SPATA22: variants seen among roughly 807,000 people sequenced by gnomAD.
SPATA22 encodes the protein spermatogenesis associated 22.
Under a neutral mutation model 47.8 loss-of-function variants are expected in SPATA22, and 29 were observed. The ratio of observed to expected loss-of-function variants is 0.61; its 90% CI spans 0.45 to 0.83. SPATA22 has a LOEUF of 0.83. Ranked by LOEUF, SPATA22 falls within the 40% of genes least tolerant of loss-of-function variation. The probability of loss-of-function intolerance (pLI) is 0.00; values close to 1 mark genes in which losing one functional copy is unlikely to be tolerated. For missense variants in SPATA22, 410 were observed against 421.7 expected (o/e 0.97, Z 0.24); for synonymous variants, 133 against 140.9 (o/e 0.94, Z 0.40).
chr17:3,482,204 G>C (rs2073642908), intron 1 of SPATA22, among the ~76,000 whole-genome samples: 3 of 152,026 alleles, frequency 2.0e-5, no homozygotes, highest in Admixed American at 1.3e-4. Flanking sequence ...AAATGGTATG[G>C]GATCTCAATT....
At chr17:3,442,163 A>T (rs995066983) in intron 8 of SPATA22, among the ~76,000 whole-genome samples, 8 of 152,018 alleles carry the variant, frequency 5.3e-5, no homozygotes, top group African/African-American at 1.2e-4. Context: ...AAGTTTTTTT[A>T]AAAAACTTCA....
At chr17:3,498,748 C>T in intron 1 of SPATA22, 1 of 767,888 alleles carries the variant, frequency 1.3e-6, no homozygotes, top group Non-Finnish European at 1.9e-6. Context: ...AGTCAGATCA[C>T]TTGCCTGCAT....
chr17:3,450,612 G>A (rs1270234329), intron 5 of SPATA22, among the ~76,000 whole-genome samples: 7 of 152,062 alleles, frequency 4.6e-5, no homozygotes, highest in African/African-American at 1.2e-4. Context: ...CTACAGGTAC[G>A]TACCATCACA....
At chr17:3,472,711 T>C (rs551843934), upstream of SPATA22, among the ~76,000 whole-genome samples, 6 of 152,326 alleles carry the variant, frequency 3.9e-5, no homozygotes, top group East Asian at 3.9e-4. Context: ...TTCTAACCAT[T>C]TGAAGACTGG....
rs565182095 is a variant in SPATA22 at position 3,467,977 on chromosome 17, C to G, written c.44-423G>C. ...ACAATAGTGGCACACCCTTTTGGGC[C>G]TTGGTTCTCAAAGTTTCATTGGACT... On this transcript the variant is annotated intron_variant, in intron 2 of 8. Transcript: ENST00000572969. Among the ~76,000 whole-genome samples, 15 of 152,270 alleles carry G rather than the reference C, an allele frequency of 9.9e-5. No homozygotes were observed. The East Asian group carries it at 2.5e-3, about 25-fold the overall frequency.
chr17:3,507,242 AT>A (rs1316576857), intron 1 of SPATA22, among the ~76,000 whole-genome samples: 1 of 152,230 alleles, frequency 6.6e-6, no homozygotes, highest in Non-Finnish European at 1.5e-5. Context: ...GTTTTAAAAA[AT>A]AAAACAGAAA....
chr17:3,486,153 C>T (rs1029623413), intron 1 of SPATA22, among the ~76,000 whole-genome samples: 9 of 152,090 alleles, frequency 5.9e-5, no homozygotes, highest in African/African-American at 1.9e-4. Context: ...AGGCTGGTTT[C>T]GAACTTCTGA....
rs544785574 is a variant in SPATA22 at position 3,478,196 on chromosome 17, T to A, written c.-73-8798A>T. Among the ~76,000 whole-genome samples, 361 of 150,594 alleles carry A rather than the reference T, an allele frequency of 2.4e-3. 5 individuals carry two copies. Among genetic ancestry groups the A allele is most frequent in the South Asian group, 0.017 (82 of 4,784 alleles). ...CGAGACTCCGTCTCAAAAAAAAAAA[T>A]ATATATATATATAAGATATGCACAG... On this transcript the variant is annotated intron_variant, in intron 1 of 8. Transcript: ENST00000541913.
chr17:3,449,200 CA>C (rs35147573), intron 5 of SPATA22, 51 bp from the exon 6 acceptor site: 178 of 1,259,728 alleles, frequency 1.4e-4, no homozygotes, highest in East Asian at 1.3e-3. Context: ...TTCTTAATTA[CA>C]AAAAAAATTA....
intron 5 of SPATA22, among the ~76,000 whole-genome samples, chr17:3,456,623 G>A (rs532245304): frequency 7.4e-4 from 113 of 152,232 alleles, no homozygotes; most frequent in African/African-American, 2.6e-3. Context: ...AGAGGTACAA[G>A]GAAGAGCTGG....
intron 5 of SPATA22, among the ~76,000 whole-genome samples, chr17:3,458,855 C>CAAAAAAAAAAAAAAAAAAAA (rs545223532): frequency 1.2e-3 from 47 of 38,342 alleles, no homozygotes; most frequent in Admixed American, 1.5e-3. Context: ...CGAAACTTCA[C>CAAAAAAAAAAAAAAAAAAAA]AAAAAAAAAA....
chr17:3,458,412 T>C (rs934040133), intron 5 of SPATA22, among the ~76,000 whole-genome samples: 1 of 152,128 alleles, frequency 6.6e-6, no homozygotes, highest in African/African-American at 2.4e-5. Flanking sequence ...AAAAACAGTA[T>C]GGAAGTTCCT....
intron 1 of SPATA22, among the ~76,000 whole-genome samples, chr17:3,471,134 G>A (rs56128631): frequency 0.56 from 84,682 of 150,992 alleles, 25,550 homozygotes; most frequent in Non-Finnish European, 0.68. Context: ...CAGCCTGGGC[G>A]ACAGAGCGAG....
intron 1 of SPATA22, among the ~76,000 whole-genome samples, chr17:3,489,840 T>C (rs1278777197): frequency 1.3e-5 from 2 of 152,202 alleles, no homozygotes; most frequent in Admixed American, 6.5e-5. Context: ...ACCAATCTTA[T>C]TACCCAGCGA....
chr17:3,464,687 T>C (rs2073234953), intron 3 of SPATA22, among the ~76,000 whole-genome samples: 1 of 136,956 alleles, frequency 7.3e-6, no homozygotes, highest in Admixed American at 7.3e-5. Flanking sequence ...GTCTGGGAGG[T>C]GAGGAGCGTC....
intron 1 of SPATA22, among the ~76,000 whole-genome samples, chr17:3,479,257 T>G (rs1234723167): frequency 6.6e-6 from 1 of 152,228 alleles, no homozygotes; most frequent in African/African-American, 2.4e-5. Context: ...AGTGTCCATC[T>G]TTTTGAAAAC....
At position 3,440,149 on chromosome 17, in the gene SPATA22, A is replaced by C. The variant is rs771186568; in HGVS notation, c.1090T>G (p.Ter364GluextTer9). The C allele has an allele frequency of 5.2e-6, 8 of 1,539,560 alleles. No homozygotes were observed. The highest frequency in any genetic ancestry group is 1.4e-5 in the African/African-American group (1 of 71,790). Residue 364 changes from the stop codon to glutamate (E), a stop_lost, in exon 9 of 9, where the codon TAA (stop) becomes GAA (glutamate). Coordinates refer to ENST00000572969, the MANE Select transcript of SPATA22 (RefSeq NM_001170698.2). ...GCTAAACTTCCTTTTATCACTACTTAAGTTTCATTCATCACATTAATATAA... is the reference window on the plus strand; with the variant it reads ...GCTAAACTTCCTTTTATCACTACTTCAGTTTCATTCATCACATTAATATAA... ...QYYINVMNET* is the reference protein window; with the variant it reads ...QYYINVMNETE
chr17:3,446,663 T>C, intron 6 of SPATA22, 62 bp from the exon 7 acceptor site: 1 of 1,286,322 alleles, frequency 7.8e-7, no homozygotes, highest in Admixed American at 3.0e-5. Context: ...CATACTCGTT[T>C]ACCTTCTACG....
chr17:3,466,398 G>T (rs1419854405), intron 3 of SPATA22, among the ~76,000 whole-genome samples: 1 of 152,016 alleles, frequency 6.6e-6, no homozygotes, highest in Non-Finnish European at 1.5e-5. Flanking sequence ...CCAAACCTCA[G>T]CTAACTGGTT....
Sources: allele counts gnomAD v4.1 joint callset (sites outside exome capture counted in the v4.1 genomes callset), GRCh38; gene constraint gnomAD v4.1.1; transcripts MANE v1.5; gene names NCBI Gene and HGNC (gene_info 2026-07-23, HGNC 2026-07-21).